The following YWHAZ variants were observed in gnomAD, a reference collection of about 807,000 sequenced individuals.
The protein encoded by YWHAZ is 14-3-3 protein zeta/delta.
For synonymous variants in YWHAZ, 87 were observed against 103.6 expected, an observed-to-expected ratio of 0.84 and a Z score of 0.97; for missense variants, 79 against 284.8, an observed-to-expected ratio of 0.28 and a Z score of 5.20.
At chr8:100,951,682 G>C in intron 1 of YWHAZ, 1 of 985,372 alleles carries the variant, frequency 1.0e-6, no homozygotes, top group Middle Eastern at 5.2e-4. Context: ...CAGGACGGGG[G>C]AGCGAGCACC....
At chr8:100,931,940 GAAA>G (rs566275034) in intron 2 of YWHAZ, 67 of 152,096 alleles carry the variant, frequency 4.4e-4, no homozygotes, top group African/African-American at 1.3e-3. Flanking sequence ...AAGAACAAAA[GAAA>G]AAAAGAACAT....
rs769839314 is a variant in YWHAZ at position 100,924,935 on chromosome 8, G to A, written c.399C>T (p.Ala133=). 1.2e-6 allele frequency: 2 copies of A among 1,612,688 alleles called. No individual in the cohort carries two copies. The highest frequency in any genetic ancestry group is 1.1e-5 in the South Asian group (1 of 91,028). The change falls in exon 3 of 6, where the codon GCC becomes GCT. Residue 133 remains alanine (A), a synonymous_variant. Transcript: ENST00000395958. This position sits in a 1 kb window ranked among gnomAD's most constrained non-coding sequence, Gnocchi z 5.7. ...GCATACCTTTCTTGTCATCACCAGC[G>A]GCAACCTCAGCCAAGTAACGGTAGT... ...GDYYRYLAEV[A]AGDDKKGIVD... is the part of the protein sequence containing the mutation.
chr8:100,940,673 T>C (rs1273450577), intron 2 of YWHAZ, among the ~76,000 whole-genome samples: 1 of 152,246 alleles, frequency 6.6e-6, no homozygotes, highest in Non-Finnish European at 1.5e-5. Context: ...GCAGTGTATT[T>C]GCTATTTAAC....
intron 1 of YWHAZ, chr8:100,951,088 C>A (rs1164542739): frequency 1.2e-5 from 9 of 730,390 alleles, no homozygotes; most frequent in South Asian, 6.2e-5. Context: ...TCAGACCCAT[C>A]CCCCACCCCC....
chr8:100,949,891 G>C (rs563574277), intron 1 of YWHAZ, among the ~76,000 whole-genome samples: 3 of 152,136 alleles, frequency 2.0e-5, no homozygotes, highest in Admixed American at 1.3e-4. Context: ...GCAAGTTGCC[G>C]AACAGCACAA....
rs1322478031 is a variant in YWHAZ at position 100,920,454 on chromosome 8, A to G, written c.*239T>C. 9 of 540,328 alleles carry G rather than the reference A, an allele frequency of 1.7e-5. No homozygotes were observed. In the East Asian group the frequency reaches 2.9e-4, roughly 18 times the overall value. 33.5% of individuals were successfully genotyped at this position (540,328 alleles called of 1,614,324 possible). On this transcript the variant is annotated 3_prime_UTR_variant, in exon 6 of 6. Coordinates refer to ENST00000395958, the MANE Select transcript of YWHAZ (RefSeq NM_145690.3). ...TGCCAAACACTTATAACTTGTATAA[A>G]AATTCCACATCCCCATATTGGCCAC...
chr8:100,923,895 T>C (rs1384911968), intron 5 of YWHAZ, 60 bp downstream of exon 5: 2 of 1,402,590 alleles, frequency 1.4e-6, no homozygotes, highest in Non-Finnish European at 1.9e-6. Context: ...AAAAATTCCC[T>C]AGAGTAAAAC....
At position 100,948,970 on chromosome 8, in the gene YWHAZ, T is replaced by G. The variant is rs1810507342; in HGVS notation, c.-11-70A>C. ...ATAAACAGACTCAAAATTATACCTG[T>G]GGTAAATGAGTTTTTTAAACCTGAA... On this transcript the variant is annotated intron_variant, in intron 1 of 5. Transcript: ENST00000395958. This position sits in a 1 kb window ranked among gnomAD's most constrained non-coding sequence, Gnocchi z 4.2. The G allele has an allele frequency of 6.7e-7, 1 of 1,491,204 alleles. No homozygotes were observed. Among genetic ancestry groups the G allele is most frequent in the Non-Finnish European group, 8.9e-7 (1 of 1,123,492 alleles). The allele number at this position is 1,491,204 out of a possible 1,614,324, so 92.4% of individuals were successfully genotyped here.
intron 2 of YWHAZ, among the ~76,000 whole-genome samples, chr8:100,947,078 C>T (rs1810341973): frequency 6.6e-6 from 1 of 150,882 alleles, no homozygotes; most frequent in African/African-American, 2.4e-5. Flanking sequence ...ATGGTGAAAC[C>T]CCGTCTCTAC....
intron 2 of YWHAZ, among the ~76,000 whole-genome samples, chr8:100,940,834 G>C (rs962221783): frequency 6.6e-6 from 1 of 152,168 alleles, no homozygotes; most frequent in Non-Finnish European, 1.5e-5. Context: ...AATTCAAAAA[G>C]ACTGCATGGC....
At chr8:100,940,970 C>T (rs935523002) in intron 2 of YWHAZ, among the ~76,000 whole-genome samples, 9 of 152,282 alleles carry the variant, frequency 5.9e-5, no homozygotes, top group African/African-American at 1.2e-4. Context: ...GAAAAAGAGC[C>T]TGATGCTAGT....
chr8:100,917,872 C>T lies in YWHAZ; in HGVS notation c.*2821G>A, dbSNP rs1204574630. 2.6e-5 allele frequency: 4 copies of T among 152,090 alleles called. No individual in the cohort carries two copies. The highest frequency in any genetic ancestry group is 7.2e-5 in the African/African-American group (3 of 41,402). 9.4% of individuals were successfully genotyped at this position (152,090 alleles called of 1,614,324 possible). On this transcript the variant is annotated 3_prime_UTR_variant, in exon 6 of 6. Coordinates refer to ENST00000395958, the MANE Select transcript of YWHAZ (RefSeq NM_145690.3). ...TAGTTACAAACACATTATTCAAATT[C>T]CAAAACAAAGAATCTCAGGTTGGAA... is the stretch of plus-strand genomic sequence containing the variant.
chr8:100,951,139 G>A (rs1810730753), intron 1 of YWHAZ: 5 of 976,442 alleles, frequency 5.1e-6, no homozygotes, highest in Admixed American at 6.5e-5. Flanking sequence ...GCGGAGCCCA[G>A]GAAATTCAGC....
Position 100,923,847 on chromosome 8 carries a change from G to A in YWHAZ, c.678+108C>T, listed in dbSNP as rs1451750543. 11 of 818,702 alleles carry A rather than the reference G, an allele frequency of 1.3e-5. No homozygotes were observed. In the Admixed American group the frequency reaches 2.6e-4, roughly 19 times the overall value. 50.7% of individuals were successfully genotyped at this position (818,702 alleles called of 1,614,324 possible). A position where few individuals can be genotyped will look rare whatever the true frequency, so the allele number is the denominator to read the frequency against. ...ATATTTATGAGAGCCTATGAAATGTGTTGAGAAAAAATTTTAAAAGATGTA... is the reference window on the plus strand; with the variant it reads ...ATATTTATGAGAGCCTATGAAATGTATTGAGAAAAAATTTTAAAAGATGTA... On this transcript the variant is annotated intron_variant, in intron 5 of 5. Coordinates refer to ENST00000395958, the MANE Select transcript of YWHAZ (RefSeq NM_145690.3).
intron 5 of YWHAZ, 103 bp from the exon 6 acceptor site, chr8:100,920,855 C>A: frequency 1.1e-6 from 1 of 930,876 alleles, no homozygotes; most frequent in Non-Finnish European, 1.7e-6. Context: ...AGTTGGAAAG[C>A]ATTCTTAAAA....
At chr8:100,946,865 A>AT (rs1189366452) in intron 2 of YWHAZ, among the ~76,000 whole-genome samples, 1 of 150,708 alleles carries the variant, frequency 6.6e-6, no homozygotes, top group South Asian at 2.1e-4. Context: ...ACATACACAG[A>AT]TATTAGTTAG....
intron 2 of YWHAZ, among the ~76,000 whole-genome samples, chr8:100,929,390 G>A (rs1019231634): frequency 2.6e-5 from 4 of 152,054 alleles, no homozygotes; most frequent in Non-Finnish European, 2.9e-5. Flanking sequence ...AGTACCAATG[G>A]GGTTTCGCCA....
intron 2 of YWHAZ, among the ~76,000 whole-genome samples, chr8:100,925,668 G>T (rs1343268765): frequency 6.6e-6 from 1 of 152,052 alleles, no homozygotes; most frequent in African/African-American, 2.4e-5. Flanking sequence ...AGTCATTTTC[G>T]GCTAGTAAGA....
intron 2 of YWHAZ, among the ~76,000 whole-genome samples, chr8:100,940,742 T>C (rs1283384616): frequency 1.3e-5 from 2 of 152,230 alleles, no homozygotes; most frequent in Non-Finnish European, 2.9e-5. Flanking sequence ...AGGTAGATAG[T>C]ATTATTCCCA....
Sources: allele counts gnomAD v4.1 joint callset (sites outside exome capture counted in the v4.1 genomes callset), GRCh38; gene constraint gnomAD v4.1.1; non-coding constraint Gnocchi (gnomAD v3.1); transcripts MANE v1.5; gene names NCBI Gene and HGNC (gene_info 2026-07-23, HGNC 2026-07-21).